TERT: variants seen among roughly 807,000 people sequenced by gnomAD.
TERT encodes telomerase reverse transcriptase, also known as telomerase catalytic subunit.
In TERT, 42 loss-of-function variants were observed where a neutral mutation model predicts 104.0. That is an observed-to-expected ratio of 0.40 (90% confidence interval 0.32 to 0.52). TERT has a LOEUF of 0.52. Among genes scored for constraint, TERT ranks in the 20% least tolerant of loss-of-function variants. The probability of loss-of-function intolerance (pLI) is 0.43; values close to 1 mark genes in which losing one functional copy is unlikely to be tolerated. For missense variants in TERT, 1,101 were observed against 1,610.3 expected, an observed-to-expected ratio of 0.68 and a Z score of 5.41; for synonymous variants, 781 against 725.6, an observed-to-expected ratio of 1.08 and a Z score of -1.23.
rs1747569185 is a variant in TERT at position 1,254,455 on chromosome 5, C to T, written c.3208G>A (p.Val1070Met). Residue 1070 changes from valine (V) to methionine (M), a missense_variant, in exon 15 of 16, where the codon GTG becomes ATG. By Grantham distance (21) the Val-to-Met change is conservative. This residue lies in a region of TERT where 463 missense variants were observed against 797.5 expected (regional missense o/e 0.58). Coordinates refer to ENST00000310581, the MANE Select transcript of TERT (RefSeq NM_198253.3). The part of the protein sequence containing the change: ...GAAGPLPSEA[V>M]QWLCHQAFLL... ...AATGCTTGGTGGCACAGCCACTGCA[C>T]GGCCTCGGAGGGCAGAGGGCCGGCG... 2 of 1,612,910 alleles carry T rather than the reference C, an allele frequency of 1.2e-6. No individual in the cohort carries two copies. Among genetic ancestry groups the T allele is most frequent in the African/African-American group, 1.3e-5 (1 of 74,910 alleles).
In TERT at chr5:1,266,591, T is replaced by C; in HGVS notation, c.2583-56A>G. The C allele has an allele frequency of 2.9e-6, 4 of 1,363,516 alleles. No individual in the cohort carries two copies. The South Asian group carries it at 4.9e-5, about 17-fold the overall frequency. The allele number at this position is 1,363,516 out of a possible 1,614,324, so 84.5% of individuals were successfully genotyped here. A position where few individuals can be genotyped will look rare whatever the true frequency, so the allele number is the denominator to read the frequency against. On this transcript the variant is annotated intron_variant, in intron 9 of 15. Transcript: ENST00000310581. ...AACTTTACACTTTTTACGTAGTATCTGTCTACGAGGGACTGAATGTCAAAC... is the reference window on the plus strand; with the variant it reads ...AACTTTACACTTTTTACGTAGTATCCGTCTACGAGGGACTGAATGTCAAAC...
rs1415257099 is a variant in TERT at position 1,263,534 on chromosome 5, G to A, written c.2843+870C>T. On this transcript the variant is annotated intron_variant, in intron 11 of 15. Coordinates refer to ENST00000310581, the MANE Select transcript of TERT (RefSeq NM_198253.3). This position sits in a 1 kb window ranked among gnomAD's most constrained non-coding sequence, Gnocchi z 5.3. ...TTCTCCTGCCTCAGCCTCCCGCATA[G>A]CGGGGACTACAGGCGTGTGCCACCA... Among the ~76,000 whole-genome samples, 3 of 152,086 alleles carry A rather than the reference G, an allele frequency of 2.0e-5. No homozygotes were observed.
At chr5:1,254,224 G>T in intron 15 of TERT, 144 bp downstream of exon 15, 3 of 1,082,976 alleles carry the variant, frequency 2.8e-6, no homozygotes, top group Non-Finnish European at 4.1e-6. Context: ...ATCACATAGG[G>T]CTGCCAGCGT....
chr5:1,266,625 C>T, intron 9 of TERT, 90 bp from the exon 10 acceptor site: 1 of 1,071,724 alleles, frequency 9.3e-7, no homozygotes, highest in South Asian at 1.3e-5. Context: ...ACAATTTACA[C>T]AGCCATAAAT....
chr5:1,291,667 G>A (rs796462482), intron 2 of TERT, among the ~76,000 whole-genome samples: 1 of 127,186 alleles, frequency 7.9e-6, no homozygotes, highest in African/African-American at 2.9e-5. Flanking sequence ...ACGCTGCACG[G>A]GACAGGGACA....
chr5:1,283,364 C>T (rs867633846), intron 2 of TERT, among the ~76,000 whole-genome samples: 14 of 136,274 alleles, frequency 1.0e-4, no homozygotes, highest in African/African-American at 3.4e-4. Context: ...CCCGGACCTG[C>T]ACCATCTGGA....
chr5:1,276,874 C>T (rs551438601), intron 6 of TERT, among the ~76,000 whole-genome samples: 13 of 152,336 alleles, frequency 8.5e-5, no homozygotes, highest in Non-Finnish European at 1.5e-4. Flanking sequence ...TAGTGGACTG[C>T]GATAGAAGTA....
chr5:1,264,976 C>A (rs1053452474), intron 10 of TERT, among the ~76,000 whole-genome samples: 1 of 152,240 alleles, frequency 6.6e-6, no homozygotes, highest in African/African-American at 2.4e-5. Flanking sequence ...TTGCCACCAT[C>A]CCACCTTCTT....
Position 1,264,419 on chromosome 5 carries a change from T to C in TERT, c.2828A>G (p.Gln943Arg), listed in dbSNP as rs1219970131. ...LLLDTRTLEV[Q>R]SDYSSYARTS... Reference sequence around the variant, plus strand: ...GTGCGCTCACCTGGAGTAGTCGCTCTGCACCTCCAGGGTCCGGGTATCCAG... The same window carrying C: ...GTGCGCTCACCTGGAGTAGTCGCTCCGCACCTCCAGGGTCCGGGTATCCAG... The change falls in exon 11 of 16, where the codon CAG (glutamine) becomes CGG (arginine). Residue 943 changes from glutamine to arginine, a missense_variant. By Grantham distance (43) the Gln-to-Arg change is conservative. Coordinates refer to ENST00000310581, the MANE Select transcript of TERT (RefSeq NM_198253.3). The C allele has an allele frequency of 1.2e-6, 2 of 1,612,974 alleles. No homozygotes were observed. Among genetic ancestry groups the C allele is most frequent in the Non-Finnish European group, 1.7e-6 (2 of 1,179,934 alleles).
rs561362202 is a variant in TERT at position 1,288,802 on chromosome 5, C to T, written c.1573+4511G>A. On this transcript the variant is annotated intron_variant, in intron 2 of 15. Transcript: ENST00000310581. This position sits in a 1 kb window ranked among gnomAD's most constrained non-coding sequence, Gnocchi z 5.3. The stretch of plus-strand genomic sequence containing the variant: ...ATTGGCAGCATGCATGTGGCGGGCA[C>T]GTGGTGAGCAAGCCAGGCCCAACAG... Among the ~76,000 whole-genome samples the T allele has an allele frequency of 5.9e-5, 9 of 152,266 alleles. No homozygotes were observed. The highest frequency in any genetic ancestry group is 3.9e-4 in the East Asian group (2 of 5,180).
chr5:1,285,398 C>T (rs929573065), intron 2 of TERT, among the ~76,000 whole-genome samples: 2 of 152,202 alleles, frequency 1.3e-5, no homozygotes, highest in Non-Finnish European at 2.9e-5. Flanking sequence ...GGGACCTACA[C>T]ACGGGATCCC....
intron 6 of TERT, among the ~76,000 whole-genome samples, chr5:1,277,671 G>GT (rs1561201943): frequency 6.6e-6 from 1 of 150,766 alleles, no homozygotes; most frequent in Non-Finnish European, 1.5e-5. Context: ...TGGGGACGGG[G>GT]GGGTCTCCTG....
rs1042958176 is a variant in TERT at position 1,287,998 on chromosome 5, G to A, written c.1573+5315C>T. Among the ~76,000 whole-genome samples the A allele has an allele frequency of 1.3e-5, 2 of 151,878 alleles. No individual in the cohort carries two copies. The highest frequency in any genetic ancestry group is 2.1e-4 in the South Asian group (1 of 4,796). On this transcript the variant is annotated intron_variant, in intron 2 of 15. Transcript: ENST00000310581. The surrounding 1 kb of genome is among the most constrained non-coding windows in gnomAD (Gnocchi z 4.3). ...CTGAGTTAGAAATCAATAATAAAAT[G>A]ATAACTTAAAATACTCTACGTATCT...
rs1747725417 is a variant in TERT at position 1,256,322 on chromosome 5, T to C, written c.3033-911A>G. ...AGCCACCGCGCCAGCCCTGTCAGCC[T>C]CCATCTTTGGCCTCTCAGCTTCCTG... is the stretch of plus-strand genomic sequence containing the variant. On this transcript the variant is annotated intron_variant, in intron 13 of 15. Coordinates refer to ENST00000310581, the MANE Select transcript of TERT (RefSeq NM_198253.3). The surrounding 1 kb of genome is among the most constrained non-coding windows in gnomAD (Gnocchi z 7.0). Among the ~76,000 whole-genome samples, 1 of 152,238 alleles carries C rather than the reference T, an allele frequency of 6.6e-6. No homozygotes were observed. Among genetic ancestry groups the C allele is most frequent in the African/African-American group, 2.4e-5 (1 of 41,546 alleles).
rs1554041291 is a variant in TERT, at chr5:1,282,470, G to A, written c.1728C>T (p.Tyr576=). 1.9e-6 allele frequency: 3 copies of A among 1,614,050 alleles called. No homozygotes were observed. The highest frequency in any genetic ancestry group is 2.7e-5 in the African/African-American group (2 of 74,920). ...TTFQKNRLFF[Y]RKSVWSKLQS... is the part of the protein sequence containing the mutation. ...GCAACTTGCTCCAGACACTCTTCCGGTAGAAAAAGAGCCTGTTCTTTTGAA... is the reference window on the plus strand; with the variant it reads ...GCAACTTGCTCCAGACACTCTTCCGATAGAAAAAGAGCCTGTTCTTTTGAA... Residue 576 remains tyrosine, a synonymous_variant, in exon 3 of 16, where the codon TAC becomes TAT. Coordinates refer to ENST00000310581, the MANE Select transcript of TERT (RefSeq NM_198253.3).
chr5:1,280,616 C>T (rs893077118), intron 3 of TERT, among the ~76,000 whole-genome samples: 21 of 152,320 alleles, frequency 1.4e-4, no homozygotes, highest in African/African-American at 5.1e-4. Flanking sequence ...ACCATCAGCA[C>T]CAGGGAGCCT....
chr5:1,284,604 T>A (rs1216259802), intron 2 of TERT, among the ~76,000 whole-genome samples: 1 of 139,400 alleles, frequency 7.2e-6, no homozygotes, highest in Non-Finnish European at 1.5e-5. Context: ...ACACTGCACA[T>A]CCAGCTCACC....
At chr5:1,272,543 AT>A (rs1401900930) in intron 6 of TERT, among the ~76,000 whole-genome samples, 2 of 133,530 alleles carry the variant, frequency 1.5e-5, no homozygotes, top group African/African-American at 6.2e-5. Flanking sequence ...CAGTCACCAC[AT>A]CAGACCCCAC....
intron 2 of TERT, among the ~76,000 whole-genome samples, chr5:1,289,329 C>T (rs1183994351): frequency 7.1e-6 from 1 of 141,358 alleles, no homozygotes; most frequent in Non-Finnish European, 1.5e-5. Context: ...CAGAGACACC[C>T]GGGGACAGTG....
Sources: allele counts gnomAD v4.1 joint callset (sites outside exome capture counted in the v4.1 genomes callset), GRCh38; gene constraint gnomAD v4.1.1; regional missense constraint gnomAD v4.1.1; non-coding constraint Gnocchi (gnomAD v3.1); transcripts MANE v1.5; gene names NCBI Gene and HGNC (gene_info 2026-07-23, HGNC 2026-07-21).